Variants in DEPDC1B observed in about 807,000 individuals in gnomAD.
DEPDC1B encodes the protein DEP domain containing 1B, also known as DEP domain-containing protein 1B.
DEPDC1B carries 51 observed loss-of-function variants against 66.5 expected under a neutral mutation model. That is an observed-to-expected ratio of 0.77 (90% CI 0.61 to 0.97). The LOEUF is 0.97. Among genes scored for constraint, DEPDC1B ranks in the 50% least tolerant of loss-of-function variants. The pLI is 0.00. For missense variants in DEPDC1B, 552 were observed against 637.1 expected (o/e 0.87, Z 1.44); for synonymous variants, 226 against 223.6 (o/e 1.01, Z -0.10).
chr5:60,666,569 G>A (rs751389459), intron 2 of DEPDC1B, among the ~76,000 whole-genome samples: 1 of 152,128 alleles, frequency 6.6e-6, no homozygotes, highest in Non-Finnish European at 1.5e-5. Flanking sequence ...TGCATACTGG[G>A]CTCTGGACTG....
At chr5:60,606,261 C>A (rs1752306986) in intron 7 of DEPDC1B, among the ~76,000 whole-genome samples, 1 of 152,166 alleles carries the variant, frequency 6.6e-6, no homozygotes, top group African/African-American at 2.4e-5. Context: ...ATTATTTCCT[C>A]ATTATCAGCA....
At chr5:60,693,189 C>CATAT (rs1178074952) in intron 1 of DEPDC1B, among the ~76,000 whole-genome samples, 1 of 152,084 alleles carries the variant, frequency 6.6e-6, no homozygotes, top group Non-Finnish European at 1.5e-5. Context: ...CATACATACA[C>CATAT]ATATGCACAT....
At chr5:60,649,494 G>C (rs1223510392) in intron 2 of DEPDC1B, among the ~76,000 whole-genome samples, 1 of 152,154 alleles carries the variant, frequency 6.6e-6, no homozygotes, top group African/African-American at 2.4e-5. Context: ...AAATGCAGAA[G>C]AGCTCCCTCC....
intron 2 of DEPDC1B, among the ~76,000 whole-genome samples, chr5:60,676,995 TGAGA>T (rs1754176935): frequency 6.6e-6 from 1 of 152,202 alleles, no homozygotes; most frequent in Admixed American, 6.5e-5. Context: ...TAAGTGTCTA[TGAGA>T]AAGAGAACTG....
At chr5:60,618,690 G>C (rs1752625797) in intron 7 of DEPDC1B, among the ~76,000 whole-genome samples, 1 of 152,170 alleles carries the variant, frequency 6.6e-6, no homozygotes, top group South Asian at 2.1e-4. Flanking sequence ...CGGATTCACA[G>C]CCAAATTCTA....
At position 60,613,256 on chromosome 5, in the gene DEPDC1B, C is replaced by T. The variant is rs189556072; in HGVS notation, c.899-7400G>A. Among the ~76,000 whole-genome samples, 4 of 152,132 alleles carry T rather than the reference C, an allele frequency of 2.6e-5. No homozygotes were observed. In the South Asian group the frequency reaches 6.2e-4, roughly 24 times the overall value. ...GCCAGAAGGGGCTGCTGATTTGTCA[C>T]GGAAGAGAAGCAGTTTGGGTTTGTG... On this transcript the variant is annotated intron_variant, in intron 7 of 10. Coordinates refer to ENST00000265036, the MANE Select transcript of DEPDC1B (RefSeq NM_018369.3).
chr5:60,693,737 C>T (rs1433954399), intron 1 of DEPDC1B, among the ~76,000 whole-genome samples: 1 of 151,992 alleles, frequency 6.6e-6, no homozygotes, highest in Non-Finnish European at 1.5e-5. Flanking sequence ...ATTACCATAC[C>T]TTTAAACAAT....
intron 2 of DEPDC1B, among the ~76,000 whole-genome samples, chr5:60,653,459 T>C (rs187728246): frequency 6.6e-6 from 1 of 152,330 alleles, no homozygotes; most frequent in East Asian, 1.9e-4. Flanking sequence ...TTTGTTGTTA[T>C]CTTGCTGGTT....
intron 2 of DEPDC1B, among the ~76,000 whole-genome samples, chr5:60,677,641 A>C (rs1433284378): frequency 6.6e-6 from 1 of 151,952 alleles, no homozygotes; most frequent in African/African-American, 2.4e-5. Context: ...GACTCAAGCT[A>C]TCTGCCCCAC....
At chr5:60,658,796 T>A (rs1584073930) in intron 2 of DEPDC1B, among the ~76,000 whole-genome samples, 1 of 152,098 alleles carries the variant, frequency 6.6e-6, no homozygotes, top group Non-Finnish European at 1.5e-5. Context: ...AGCTCTGTTT[T>A]CACTCTATTA....
intron 2 of DEPDC1B, among the ~76,000 whole-genome samples, chr5:60,682,746 T>C (rs920156867): frequency 2.6e-5 from 4 of 152,032 alleles, no homozygotes; most frequent in East Asian, 1.9e-4. Context: ...CAGAAATAAA[T>C]AGAAAATCTG....
chr5:60,613,654 G>C (rs1157986770), intron 7 of DEPDC1B, among the ~76,000 whole-genome samples: 1 of 152,056 alleles, frequency 6.6e-6, no homozygotes, highest in East Asian at 1.9e-4. Flanking sequence ...GCCATAAGAG[G>C]AAGTTACTTT....
At chr5:60,668,495 G>A (rs575299569) in intron 2 of DEPDC1B, among the ~76,000 whole-genome samples, 6 of 151,576 alleles carry the variant, frequency 4.0e-5, no homozygotes, top group South Asian at 2.1e-4. Flanking sequence ...GGCTGGTCTC[G>A]AACTCCTGGC....
rs554547808 is a variant in DEPDC1B, at chr5:60,617,716, T to C, written c.899-11860A>G. 4.6e-5 allele frequency among the ~76,000 whole-genome samples: 7 copies of C among 152,232 alleles called. No individual in the cohort carries two copies. In the South Asian group the frequency reaches 1.5e-3, roughly 32 times the overall value. On this transcript the variant is annotated intron_variant, in intron 7 of 10. Coordinates refer to ENST00000265036, the MANE Select transcript of DEPDC1B (RefSeq NM_018369.3). ...AGACTTCAACACCCCACTGTCAACA[T>C]TAGACAGATCCACATGACAGAAAGT...
At chr5:60,605,265 T>C (rs1020775342) in intron 8 of DEPDC1B, among the ~76,000 whole-genome samples, 2 of 152,166 alleles carry the variant, frequency 1.3e-5, no homozygotes, top group Non-Finnish European at 2.9e-5. Context: ...ATTATAATAA[T>C]ATATTGTATA....
chr5:60,608,706 C>G (rs928743270), intron 7 of DEPDC1B, among the ~76,000 whole-genome samples: 2 of 151,686 alleles, frequency 1.3e-5, no homozygotes, highest in Non-Finnish European at 2.9e-5. Flanking sequence ...TGCTATTAAA[C>G]AAATATGTAA....
At position 60,652,109 on chromosome 5, in the gene DEPDC1B, T is replaced by G. The variant is rs907391488; in HGVS notation, c.315-4576A>C. The stretch of plus-strand genomic sequence containing the variant: ...ATTTATGCTGAGTGAGGTAGCCAAA[T>G]ATGCATATTTAATAAGCTAAAGGAA... On this transcript the variant is annotated intron_variant, in intron 2 of 10. Coordinates refer to ENST00000265036, the MANE Select transcript of DEPDC1B (RefSeq NM_018369.3). Among the ~76,000 whole-genome samples, 7 of 149,320 alleles carry G rather than the reference T, an allele frequency of 4.7e-5. 1 individual carries two copies. Among genetic ancestry groups the G allele is most frequent in the African/African-American group, 7.6e-5 (3 of 39,680 alleles).
chr5:60,662,448 A>T (rs1238803771), intron 2 of DEPDC1B, among the ~76,000 whole-genome samples: 1 of 152,096 alleles, frequency 6.6e-6, no homozygotes, highest in Non-Finnish European at 1.5e-5. Context: ...AACCCCATTG[A>T]ACTTGGCAAC....
chr5:60,633,697 G>A (rs1752975426), intron 7 of DEPDC1B, among the ~76,000 whole-genome samples: 1 of 152,224 alleles, frequency 6.6e-6, no homozygotes, highest in Non-Finnish European at 1.5e-5. Flanking sequence ...GCTGAAAAGA[G>A]AAATGATAAA....
Sources: allele counts gnomAD v4.1 joint callset (sites outside exome capture counted in the v4.1 genomes callset), GRCh38; gene constraint gnomAD v4.1.1; transcripts MANE v1.5; gene names NCBI Gene and HGNC (gene_info 2026-07-23, HGNC 2026-07-21).